Variants in CCDC7 observed in about 807,000 individuals in gnomAD.
CCDC7 encodes the protein coiled-coil domain containing 7.
CCDC7 carries 183 observed loss-of-function variants against 196.9 expected under a neutral mutation model. The ratio of observed to expected loss-of-function variants is 0.93; its 90% CI spans 0.82 to 1.05. The LOEUF is 1.05. CCDC7 is among the 50% of genes least tolerant of loss of function. The pLI, the probability that CCDC7 is intolerant of heterozygous loss-of-function variation, is 0.00. For synonymous variants in CCDC7, 525 were observed against 484.6 expected (o/e 1.08, Z -1.10); for missense variants, 1,540 against 1,482.2 (o/e 1.04, Z -0.64).
At chr10:32,882,519 G>GA (rs1313583605) in intron 22 of CCDC7, among the ~76,000 whole-genome samples, 174 bp from the exon 44 acceptor site, 1 of 152,128 alleles carries the variant, frequency 6.6e-6, no homozygotes, top group Non-Finnish European at 1.5e-5. Context: ...AAAGATCATT[G>GA]ATTTTTGAAA....
At chr10:32,713,446 T>C (rs1049879751) in intron 25 of CCDC7, among the ~76,000 whole-genome samples, 1 of 152,198 alleles carries the variant, frequency 6.6e-6, no homozygotes, top group African/African-American at 2.4e-5. Flanking sequence ...TGCTTATTTG[T>C]GAAAGATGAG....
chr10:32,625,136 C>T (rs1327746875), intron 18 of CCDC7, among the ~76,000 whole-genome samples: 2 of 151,054 alleles, frequency 1.3e-5, no homozygotes, highest in Non-Finnish European at 1.5e-5. Context: ...TCCTTCTGGA[C>T]GTTTTATGGT....
At position 32,533,246 on chromosome 10, in the gene CCDC7, A is replaced by AACACACACACACACACACAC. The variant is rs58119017; in HGVS notation, c.994-10040_994-10021dup. ...CAAATAAAAGAATAGAAACAAAGGA[A>AACACACACACACACACACAC]ACACACACACACACACACACACACA... On this transcript the variant is annotated intron_variant, in intron 11 of 41. Coordinates refer to ENST00000639629, the Ensembl canonical transcript of CCDC7. Among the ~76,000 whole-genome samples the AACACACACACACACACACAC allele has an allele frequency of 1.3e-3, 193 of 144,624 alleles. 1 individual carries two copies. Among genetic ancestry groups the AACACACACACACACACACAC allele is most frequent in the South Asian group, 2.8e-3 (12 of 4,348 alleles). The allele number at this position is 144,624 out of a possible 152,430, so 94.9% of individuals were successfully genotyped here.
intron 29 of CCDC7, among the ~76,000 whole-genome samples, chr10:32,797,220 CACAT>C (rs1347223427): frequency 6.9e-6 from 1 of 145,146 alleles, no homozygotes; most frequent in African/African-American, 2.7e-5. Context: ...TATACACACA[CACAT>C]ATATATGTGT....
intron 16 of CCDC7, among the ~76,000 whole-genome samples, chr10:32,576,238 C>G (rs965522154): frequency 2.0e-5 from 3 of 151,126 alleles, no homozygotes; most frequent in African/African-American, 7.3e-5. Flanking sequence ...GCAGCACCAT[C>G]TGTTGCTTTT....
intron 28 of CCDC7, among the ~76,000 whole-genome samples, chr10:32,754,466 A>G (rs768707796): frequency 5.3e-5 from 8 of 152,154 alleles, no homozygotes; most frequent in Non-Finnish European, 1.0e-4. Flanking sequence ...CTTACTTCCA[A>G]TCAAAATACC....
At chr10:32,518,052 A>G in intron 10 of CCDC7, 77 bp downstream of exon 11, 3 of 1,436,190 alleles carry the variant, frequency 2.1e-6, no homozygotes, top group Non-Finnish European at 2.8e-6. Context: ...GTCAGGATAC[A>G]TAATCCTATA....
intron 28 of CCDC7, among the ~76,000 whole-genome samples, chr10:32,746,966 A>T (rs758011117): frequency 6.6e-6 from 1 of 152,196 alleles, no homozygotes; most frequent in East Asian, 1.9e-4. Context: ...CATGTGCAGA[A>T]TCCACAGTGC....
chr10:32,785,554 A>G (rs531062492), intron 29 of CCDC7, among the ~76,000 whole-genome samples: 24 of 152,300 alleles, frequency 1.6e-4, no homozygotes, highest in Admixed American at 4.6e-4. Flanking sequence ...AAGGTAGAAA[A>G]AGAAGATGAT....
At chr10:32,800,655 T>C (rs376219171) in intron 29 of CCDC7, among the ~76,000 whole-genome samples, 7 of 152,244 alleles carry the variant, frequency 4.6e-5, no homozygotes, top group Middle Eastern at 3.4e-3. Context: ...GAGGTCTCTT[T>C]GGGGAAAGAT....
chr10:32,481,788 G>T (rs1347227719), intron 8 of CCDC7: 5 of 150,796 alleles, frequency 3.3e-5, no homozygotes, highest in Non-Finnish European at 7.4e-5. Flanking sequence ...TCTGGGTAAG[G>T]TATTCTTGGT....
At chr10:32,472,125 G>A (rs72795509) in intron 6 of CCDC7, among the ~76,000 whole-genome samples, 429 of 152,270 alleles carry the variant, frequency 2.8e-3, no homozygotes, top group Non-Finnish European at 5.1e-3. Context: ...AGGTCAGGTA[G>A]TCTCACTCCG....
intron 41 of CCDC7, among the ~76,000 whole-genome samples, chr10:32,857,138 A>T (rs191477406): frequency 5.9e-5 from 9 of 152,274 alleles, no homozygotes; most frequent in Non-Finnish European, 1.0e-4. Context: ...CTTTACACTG[A>T]GAAATGGACT....
At chr10:32,468,382 C>G (rs912346449) in intron 5 of CCDC7, among the ~76,000 whole-genome samples, 1 of 151,988 alleles carries the variant, frequency 6.6e-6, no homozygotes, top group African/African-American at 2.4e-5. Context: ...GCTCTTGGCT[C>G]GACTGTTGTT....
chr10:32,676,612 T>C (rs1353746138), intron 21 of CCDC7, among the ~76,000 whole-genome samples: 1 of 151,854 alleles, frequency 6.6e-6, no homozygotes, highest in Non-Finnish European at 1.5e-5. Context: ...AAAAAACACA[T>C]GAAAAAATGC....
intron 24 of CCDC7, among the ~76,000 whole-genome samples, chr10:32,702,140 T>C (rs2078861341): frequency 1.3e-5 from 2 of 152,232 alleles, no homozygotes; most frequent in Non-Finnish European, 1.5e-5. Context: ...TTTTCCTGCT[T>C]TCTCTTGTGG....
intron 31 of CCDC7, among the ~76,000 whole-genome samples, chr10:32,819,880 G>A (rs2089787581): frequency 6.6e-6 from 1 of 152,144 alleles, no homozygotes; most frequent in African/African-American, 2.4e-5. Flanking sequence ...GCAAAAACTG[G>A]AAGCATTCCC....
chr10:32,757,896 A>T (rs1197348640), intron 28 of CCDC7, among the ~76,000 whole-genome samples: 1 of 152,264 alleles, frequency 6.6e-6, no homozygotes, highest in Admixed American at 6.5e-5. Flanking sequence ...AAATAGGTGC[A>T]ATGAAAAATG....
At chr10:32,854,867 G>A (rs2093690862) in intron 41 of CCDC7, among the ~76,000 whole-genome samples, 1 of 152,092 alleles carries the variant, frequency 6.6e-6, no homozygotes, top group African/African-American at 2.4e-5. Context: ...ACAAGCAATG[G>A]TGCAATAAAT....
Sources: allele counts gnomAD v4.1 joint callset (sites outside exome capture counted in the v4.1 genomes callset), GRCh38; gene constraint gnomAD v4.1.1; transcripts MANE v1.5; gene names NCBI Gene and HGNC (gene_info 2026-07-23, HGNC 2026-07-21).